RELN: variants seen among roughly 807,000 people sequenced by gnomAD.
The protein encoded by RELN is reelin.
Under a neutral mutation model 427.6 loss-of-function variants are expected in RELN, and 108 were observed. The ratio of observed to expected loss-of-function variants is 0.25; its 90% confidence interval spans 0.22 to 0.30. The LOEUF (loss-of-function observed/expected upper bound fraction) is 0.30, where lower values mean the gene tolerates loss of function less well. Among genes scored for constraint, RELN ranks in the 10% least tolerant of loss-of-function variants. The pLI is 1.00. For missense variants in RELN, 3,715 were observed against 4,302.8 expected (o/e 0.86, Z 3.82); for synonymous variants, 1,524 against 1,513.4 (o/e 1.01, Z -0.16).
intron 3 of RELN, among the ~76,000 whole-genome samples, chr7:103,804,965 G>A (rs1792560748): frequency 6.6e-6 from 1 of 152,034 alleles, no homozygotes; most frequent in Admixed American, 6.6e-5. Flanking sequence ...AGGTCTAGCA[G>A]GGACTTGCGT....
At chr7:103,604,679 T>C (rs1295554765) in intron 22 of RELN, among the ~76,000 whole-genome samples, 196 bp from the exon 23 acceptor site, 2 of 152,172 alleles carry the variant, frequency 1.3e-5, no homozygotes, top group Non-Finnish European at 2.9e-5. Flanking sequence ...TAAAGAGAAA[T>C]CTGTCTATTG....
Position 103,876,515 on chromosome 7 carries a change from A to T in RELN, c.337+40560T>A, listed in dbSNP as rs531467362. Among the ~76,000 whole-genome samples, 7 of 152,256 alleles carry T rather than the reference A, an allele frequency of 4.6e-5. No individual in the cohort carries two copies. The South Asian group carries it at 1.5e-3, about 32-fold the overall frequency. ...AAATACTATCAAATATGTTATTACT[A>T]ACATTAAGCTTTTATTGCTCTTGTT... On this transcript the variant is annotated intron_variant, in intron 2 of 64. Coordinates refer to ENST00000428762, the MANE Select transcript of RELN (RefSeq NM_005045.4).
rs754149286 is a variant in RELN at position 103,574,138 on chromosome 7, C to T, written c.4465G>A (p.Gly1489Arg). The change falls in exon 30 of 65, where the codon GGG becomes AGG. Residue 1489 changes from glycine (G) to arginine (R), a missense_variant. By Grantham distance (125) the Gly-to-Arg change is moderately radical. Coordinates refer to ENST00000428762, the MANE Select transcript of RELN (RefSeq NM_005045.4). Reference protein sequence around the residue: ...DGKSLYFNGPGKREARTVPLD... With the variant: ...DGKSLYFNGPRKREARTVPLD... ...GGGACCGTCCGGGCTTCCCTTTTCC[C>T]AGGGCCATTGAAGTAGAGAGATTTG... 1.2e-6 allele frequency: 2 copies of T among 1,614,156 alleles called. No homozygotes were observed. The highest frequency in any genetic ancestry group is 2.2e-5 in the East Asian group (1 of 44,878).
At chr7:103,858,327 T>C (rs1276945586) in intron 2 of RELN, among the ~76,000 whole-genome samples, 2 of 152,170 alleles carry the variant, frequency 1.3e-5, no homozygotes, top group South Asian at 2.1e-4. Context: ...TAAGCAAAAC[T>C]CTTAGTATAG....
At chr7:103,743,411 A>G (rs2116027841) in intron 6 of RELN, among the ~76,000 whole-genome samples, 1 of 152,346 alleles carries the variant, frequency 6.6e-6, no homozygotes, top group East Asian at 1.9e-4. Context: ...CACACATAAC[A>G]ATATTAACCT....
At chr7:103,618,504 ACTT>A (rs1832136248) in intron 20 of RELN, among the ~76,000 whole-genome samples, 1 of 152,214 alleles carries the variant, frequency 6.6e-6, no homozygotes, top group African/African-American at 2.4e-5. Context: ...TGGATAGACA[ACTT>A]CTTATTTATC....
rs58384828 is a variant in RELN, at chr7:103,692,650, G to A, written c.1143+5203C>T. Among the ~76,000 whole-genome samples, 184 of 152,222 alleles carry A rather than the reference G, an allele frequency of 1.2e-3. 1 individual carries two copies. Among genetic ancestry groups the A allele is most frequent in the African/African-American group, 4.2e-3 (176 of 41,566 alleles). ...TGATAGTGAACTGAGGTATCTGGGA[G>A]ACTAAAGTAACTCGATGACTCTTTT... is the stretch of plus-strand genomic sequence containing the variant. On this transcript the variant is annotated intron_variant, in intron 10 of 64. Transcript: ENST00000428762.
chr7:103,900,304 A>G (rs1795055689), intron 2 of RELN, among the ~76,000 whole-genome samples: 1 of 152,140 alleles, frequency 6.6e-6, no homozygotes, highest in Non-Finnish European at 1.5e-5. Flanking sequence ...AGAGGACACA[A>G]ACAAATGGAA....
chr7:103,655,307 A>G (rs114667608), intron 12 of RELN, among the ~76,000 whole-genome samples: 83 of 152,186 alleles, frequency 5.5e-4, no homozygotes, highest in African/African-American at 1.7e-3. Context: ...CCCCATATTT[A>G]TAACACTAAC....
At position 103,497,922 on chromosome 7, in the gene RELN, G is replaced by A; in HGVS notation, c.8848C>T (p.Leu2950=). Residue 2950 remains leucine (L), a synonymous_variant, in exon 55 of 65, where the codon CTG becomes TTG. Coordinates refer to ENST00000428762, the MANE Select transcript of RELN (RefSeq NM_005045.4). The part of the protein sequence containing the change: ...QDLDLRGAKF[L]QYWGRIGSEN... ...CTACCGATGCGCCCCCAGTATTGCA[G>A]GAACCTGAATGCAAGCACATTTTAT... is the stretch of plus-strand genomic sequence containing the variant. 3 of 1,613,988 alleles carry A rather than the reference G, an allele frequency of 1.9e-6. No homozygotes were observed. Among genetic ancestry groups the A allele is most frequent in the Middle Eastern group, 1.6e-4 (1 of 6,062 alleles).
intron 6 of RELN, among the ~76,000 whole-genome samples, chr7:103,746,095 C>G (rs1010079384): frequency 6.6e-6 from 1 of 151,880 alleles, no homozygotes; most frequent in South Asian, 2.1e-4. Context: ...CAGAACAGAG[C>G]CCTCAGAAAT....
intron 53 of RELN, 141 bp downstream of exon 53, chr7:103,500,604 T>A (rs1189953082): frequency 4.0e-6 from 3 of 749,576 alleles, no homozygotes; most frequent in Non-Finnish European, 6.6e-6. Context: ...ACATAAGACA[T>A]TTTTAAAGTT....
chr7:103,488,499 A>C (rs755429926), intron 60 of RELN, among the ~76,000 whole-genome samples: 1 of 152,232 alleles, frequency 6.6e-6, no homozygotes, highest in Non-Finnish European at 1.5e-5. Flanking sequence ...GAAATGGCTA[A>C]GTAATTTCTA....
intron 6 of RELN, among the ~76,000 whole-genome samples, chr7:103,728,805 TA>T (rs1237238689): frequency 2.0e-5 from 3 of 152,164 alleles, no homozygotes; most frequent in Admixed American, 1.3e-4. Flanking sequence ...TCCACCATGC[TA>T]AAAACAATGA....
At chr7:103,959,583 T>C (rs1212509245) in intron 1 of RELN, among the ~76,000 whole-genome samples, 1 of 151,952 alleles carries the variant, frequency 6.6e-6, no homozygotes, top group Admixed American at 6.6e-5. Flanking sequence ...GTCAGAACTC[T>C]TGAAGCCAAC....
chr7:103,485,120 T>C (rs988197903), intron 61 of RELN, among the ~76,000 whole-genome samples: 1 of 151,110 alleles, frequency 6.6e-6, no homozygotes, highest in Non-Finnish European at 1.5e-5. Flanking sequence ...ATAAACTAAT[T>C]GAAAACATAG....
intron 1 of RELN, among the ~76,000 whole-genome samples, chr7:103,962,560 A>G (rs991291210): frequency 2.0e-5 from 3 of 152,128 alleles, no homozygotes; most frequent in Non-Finnish European, 2.9e-5. Context: ...TCACAGAAAC[A>G]CCAAGCGGAG....
chr7:103,692,582 GATGAAATCTGGAGCTTGCATT>G (rs1302907317), intron 10 of RELN, among the ~76,000 whole-genome samples: 1 of 152,042 alleles, frequency 6.6e-6, no homozygotes, highest in Non-Finnish European at 1.5e-5. Flanking sequence ...AGCAGCTGTG[GATGAAATCTGGAGCTTGCATT>G]ATCATCCTTA....
intron 28 of RELN, among the ~76,000 whole-genome samples, chr7:103,576,574 T>G (rs755571837): frequency 6.6e-6 from 1 of 152,262 alleles, no homozygotes; most frequent in Non-Finnish European, 1.5e-5. Context: ...TATGGATATC[T>G]GCAGAAGAGG....
Sources: gnomAD v4.1 joint callset for allele counts (sites outside exome capture counted in the v4.1 genomes callset) on GRCh38, gnomAD v4.1.1 for gene constraint, MANE v1.5 for transcripts, NCBI Gene and HGNC (gene_info 2026-07-23, HGNC 2026-07-21) for gene names.